PPM1L: variants seen among roughly 807,000 people sequenced by gnomAD.
PPM1L encodes protein phosphatase, Mg2+/Mn2+ dependent 1L.
A neutral mutation model predicts 31.4 loss-of-function variants in PPM1L; 13 were observed. The observed-to-expected ratio is 0.41, with a 90% CI of 0.27 to 0.66. The LOEUF (loss-of-function observed/expected upper bound fraction) is 0.66, where lower values mean the gene tolerates loss of function less well. PPM1L is among the 30% of genes least tolerant of loss of function. The pLI, the probability that PPM1L is intolerant of heterozygous loss-of-function variation, is 0.29. For synonymous variants in PPM1L, 184 were observed against 175.4 expected, an observed-to-expected ratio of 1.05 and a Z score of -0.39; for missense variants, 326 against 453.7, an observed-to-expected ratio of 0.72 and a Z score of 2.56.
At chr3:160,938,836 A>C (rs1469380879) in intron 1 of PPM1L, among the ~76,000 whole-genome samples, 1 of 152,186 alleles carries the variant, frequency 6.6e-6, no homozygotes, top group African/African-American at 2.4e-5. Context: ...TCCTTCCAGA[A>C]GTTGGAATAA....
At chr3:160,996,777 A>G (rs1717340046) in intron 2 of PPM1L, among the ~76,000 whole-genome samples, 1 of 152,210 alleles carries the variant, frequency 6.6e-6, no homozygotes, top group Non-Finnish European at 1.5e-5. Flanking sequence ...CCAAAAACCT[A>G]TTGAAATCAT....
chr3:161,046,175 A>T (rs915729616), intron 2 of PPM1L, among the ~76,000 whole-genome samples: 5 of 151,662 alleles, frequency 3.3e-5, no homozygotes, highest in Non-Finnish European at 5.9e-5. Flanking sequence ...AGATCAACAA[A>T]ATTGATAGAC....
intron 1 of PPM1L, among the ~76,000 whole-genome samples, chr3:160,957,738 G>A (rs1346238420): frequency 1.3e-5 from 2 of 151,958 alleles, no homozygotes; most frequent in African/African-American, 2.4e-5. Context: ...CACCACGCCT[G>A]GCTAATTTTT....
chr3:160,778,917 T>C (rs1038732876), intron 1 of PPM1L, among the ~76,000 whole-genome samples: 1 of 152,158 alleles, frequency 6.6e-6, no homozygotes, highest in Admixed American at 6.5e-5. Flanking sequence ...TGGTAAAGAA[T>C]ATGGTATGAA....
intron 1 of PPM1L, among the ~76,000 whole-genome samples, chr3:160,808,112 TTATC>T (rs1158264551): frequency 6.6e-6 from 1 of 152,236 alleles, no homozygotes; most frequent in Non-Finnish European, 1.5e-5. Flanking sequence ...CATTGCCTGT[TTATC>T]TTACTGAGAA....
At chr3:160,947,395 A>G (rs909004810) in intron 1 of PPM1L, among the ~76,000 whole-genome samples, 2 of 152,076 alleles carry the variant, frequency 1.3e-5, no homozygotes, top group Admixed American at 1.3e-4. Flanking sequence ...TCATATCAAT[A>G]AAATATACTG....
intron 1 of PPM1L, among the ~76,000 whole-genome samples, chr3:160,878,399 G>C (rs1189040587): frequency 2.0e-5 from 3 of 152,162 alleles, no homozygotes; most frequent in Non-Finnish European, 4.4e-5. Flanking sequence ...CAAAGTGCTG[G>C]CTTATTTAGT....
At chr3:160,903,474 TTG>T (rs879561489) in intron 1 of PPM1L, among the ~76,000 whole-genome samples, 7 of 152,176 alleles carry the variant, frequency 4.6e-5, no homozygotes, top group Non-Finnish European at 1.0e-4. Flanking sequence ...AATCATCTGA[TTG>T]TGATATTGAT....
intron 2 of PPM1L, among the ~76,000 whole-genome samples, chr3:161,029,350 T>G (rs189625238): frequency 6.6e-6 from 1 of 152,360 alleles, no homozygotes; most frequent in South Asian, 2.1e-4. Context: ...GAGCTAAGAT[T>G]TGAAACCCCT....
chr3:160,874,881 C>T (rs1712453237), intron 1 of PPM1L, among the ~76,000 whole-genome samples: 1 of 152,094 alleles, frequency 6.6e-6, no homozygotes, highest in South Asian at 2.1e-4. Context: ...CTGTTCTAGC[C>T]CTCAGCTGTT....
At chr3:160,766,496 T>C (rs868292616) in intron 1 of PPM1L, among the ~76,000 whole-genome samples, 3 of 152,150 alleles carry the variant, frequency 2.0e-5, no homozygotes, top group South Asian at 2.1e-4. Flanking sequence ...AAGGGGCTTT[T>C]CCCCTCTTTC....
intron 2 of PPM1L, among the ~76,000 whole-genome samples, chr3:161,050,814 A>T (rs542322133): frequency 6.6e-6 from 1 of 152,298 alleles, no homozygotes; most frequent in South Asian, 2.1e-4. Flanking sequence ...CTATGAGGTC[A>T]ATCCTTGTAC....
intron 1 of PPM1L, among the ~76,000 whole-genome samples, chr3:160,765,075 A>C (rs1412899038): frequency 2.6e-5 from 4 of 152,236 alleles, no homozygotes; most frequent in Admixed American, 2.6e-4. Flanking sequence ...TATGCCAGGC[A>C]GTATTTATAA....
chr3:160,938,982 G>A (rs1158066935), intron 1 of PPM1L, among the ~76,000 whole-genome samples: 1 of 152,158 alleles, frequency 6.6e-6, no homozygotes, highest in African/African-American at 2.4e-5. Flanking sequence ...TCCAAGGCAA[G>A]AACCCAAGGA....
intron 3 of PPM1L, among the ~76,000 whole-genome samples, chr3:161,067,474 G>A (rs1336163409): frequency 3.3e-5 from 5 of 152,202 alleles, no homozygotes; most frequent in Admixed American, 3.3e-4. Context: ...CAGCCAGTCT[G>A]GGCCAAATAC....
chr3:160,886,920 A>C (rs943163996), intron 1 of PPM1L, among the ~76,000 whole-genome samples: 2 of 152,136 alleles, frequency 1.3e-5, no homozygotes, highest in African/African-American at 4.8e-5. Flanking sequence ...ACTGAGCTAA[A>C]GGAGCATGTT....
chr3:160,907,018 C>A (rs1430815904), intron 1 of PPM1L, among the ~76,000 whole-genome samples: 2 of 152,190 alleles, frequency 1.3e-5, no homozygotes, highest in Non-Finnish European at 2.9e-5. Flanking sequence ...AGAGGCAAGT[C>A]ACTTGGTCCA....
At chr3:160,800,909 A>G (rs1712405727) in intron 1 of PPM1L, among the ~76,000 whole-genome samples, 1 of 152,224 alleles carries the variant, frequency 6.6e-6, no homozygotes, top group African/African-American at 2.4e-5. Flanking sequence ...TGGATGAGAC[A>G]GATTTTTGAA....
intron 1 of PPM1L, among the ~76,000 whole-genome samples, chr3:160,835,149 C>CTTT (rs374361985): frequency 5.9e-5 from 3 of 50,670 alleles, no homozygotes; most frequent in African/African-American, 2.2e-4. Flanking sequence ...CTTTTTCTTC[C>CTTT]TTTTTTTTTT....
Sources: allele counts gnomAD v4.1 joint callset (sites outside exome capture counted in the v4.1 genomes callset), GRCh38; gene constraint gnomAD v4.1.1; transcripts MANE v1.5; gene names NCBI Gene and HGNC (gene_info 2026-07-23, HGNC 2026-07-21).